The following PLCB4 variants were observed in gnomAD, a reference collection of about 807,000 sequenced individuals.
PLCB4 encodes the protein phospholipase C beta 4, also known as 1-phosphatidylinositol 4,5-bisphosphate phosphodiesterase beta-4.
Under a neutral mutation model 178.8 loss-of-function variants are expected in PLCB4, and 77 were observed. The ratio of observed to expected loss-of-function variants is 0.43; its 90% CI spans 0.36 to 0.52. The LOEUF (loss-of-function observed/expected upper bound fraction) is 0.52. Ranked by LOEUF, PLCB4 falls within the 20% of genes least tolerant of loss-of-function variation. The probability of loss-of-function intolerance (pLI) is 0.00; values close to 1 mark genes in which losing one functional copy is unlikely to be tolerated. For missense variants in PLCB4, 1,024 were observed against 1,453.4 expected, an observed-to-expected ratio of 0.70 and a Z score of 4.80; for synonymous variants, 496 against 490.8, an observed-to-expected ratio of 1.01 and a Z score of -0.14.
chr20:9,123,483 T>C (rs1296068654), intron 2 of PLCB4, among the ~76,000 whole-genome samples: 2 of 151,968 alleles, frequency 1.3e-5, no homozygotes, highest in African/African-American at 4.8e-5. Flanking sequence ...GTCAATATTT[T>C]GTATGTGAAG....
chr20:9,272,740 T>C (rs1271368653), intron 3 of PLCB4, among the ~76,000 whole-genome samples: 1 of 152,126 alleles, frequency 6.6e-6, no homozygotes, highest in East Asian at 1.9e-4. Context: ...AATTTCTTGG[T>C]GAGCATACCC....
chr20:9,106,832 T>C (rs2091382607), intron 2 of PLCB4, among the ~76,000 whole-genome samples: 1 of 152,186 alleles, frequency 6.6e-6, no homozygotes, highest in South Asian at 2.1e-4. Context: ...TAAGGCAAAT[T>C]GGATAGTTGT....
At chr20:9,454,069 A>G (rs2042922180) in intron 33 of PLCB4, among the ~76,000 whole-genome samples, 1 of 152,160 alleles carries the variant, frequency 6.6e-6, no homozygotes, top group Non-Finnish European at 1.5e-5. Context: ...ATAATTCCTC[A>G]ATCTCTCCCT....
chr20:9,404,478 G>A lies in PLCB4; in HGVS notation c.1612-835G>A, dbSNP rs144462106. On this transcript the variant is annotated intron_variant, in intron 20 of 39. Transcript: ENST00000378473. ...AAATTAGCCAGGCGCCATGGTACGC[G>A]CCTGTAATCCCAGCTACTCAGGAAG... Among the ~76,000 whole-genome samples, 25 of 152,070 alleles carry A rather than the reference G, an allele frequency of 1.6e-4. 1 individual carries two copies. Among genetic ancestry groups the A allele is most frequent in the South Asian group, 8.3e-4 (4 of 4,820 alleles).
At chr20:9,163,232 ACT>A (rs1301934267) in intron 2 of PLCB4, among the ~76,000 whole-genome samples, 3 of 152,034 alleles carry the variant, frequency 2.0e-5, no homozygotes, top group African/African-American at 4.8e-5. Flanking sequence ...AAACATGTCG[ACT>A]CTGTTTTCTG....
intron 1 of PLCB4, among the ~76,000 whole-genome samples, chr20:9,082,426 C>A (rs2146522715): frequency 6.6e-6 from 1 of 152,262 alleles, no homozygotes; most frequent in Non-Finnish European, 1.5e-5. Flanking sequence ...GTGTCTTTGA[C>A]AGTCTTCACC....
intron 6 of PLCB4, among the ~76,000 whole-genome samples, chr20:9,338,311 T>C (rs2032748449): frequency 6.6e-6 from 1 of 152,110 alleles, no homozygotes; most frequent in African/African-American, 2.4e-5. Flanking sequence ...AAAAGGCTCT[T>C]CTATCCAATT....
At chr20:9,317,754 C>T (rs1382616396) in intron 4 of PLCB4, among the ~76,000 whole-genome samples, 1 of 152,086 alleles carries the variant, frequency 6.6e-6, no homozygotes, top group Admixed American at 6.6e-5. Context: ...GTGTAAGCAC[C>T]TAGGGGTTCT....
chr20:9,396,789 G>A (rs566853997), intron 19 of PLCB4, among the ~76,000 whole-genome samples: 3 of 152,188 alleles, frequency 2.0e-5, no homozygotes, highest in Non-Finnish European at 4.4e-5. Flanking sequence ...CTGTAGGCTA[G>A]TAAGTGTTCA....
intron 38 of PLCB4, among the ~76,000 whole-genome samples, chr20:9,474,214 CAA>C (rs138592969): frequency 1.7e-4 from 21 of 120,534 alleles, no homozygotes; most frequent in South Asian, 5.4e-4. Flanking sequence ...GACTCCATCT[CAA>C]AAAAAAAAAA....
intron 39 of PLCB4, among the ~76,000 whole-genome samples, chr20:9,477,225 C>A (rs1156248393): frequency 3.9e-5 from 6 of 152,228 alleles, no homozygotes; most frequent in Middle Eastern, 3.4e-3. Context: ...CTGCTAAGTC[C>A]CATCTGCCAA....
chr20:9,342,412 G>C (rs1353413024), intron 7 of PLCB4, among the ~76,000 whole-genome samples: 1 of 152,272 alleles, frequency 6.6e-6, no homozygotes, highest in African/African-American at 2.4e-5. Flanking sequence ...CCTAGAATCA[G>C]GGGGCCATGA....
At chr20:9,307,942 A>G (rs756453877) in intron 4 of PLCB4, 44 bp downstream of exon 4, 1 of 792,008 alleles carries the variant, frequency 1.3e-6, no homozygotes, top group Non-Finnish European at 2.1e-6. Context: ...CATTCTAATA[A>G]TTATTAAATT....
intron 2 of PLCB4, 75 bp downstream of exon 2, chr20:9,096,417 C>T (rs920790819): frequency 2.0e-5 from 3 of 152,114 alleles, no homozygotes; most frequent in Non-Finnish European, 4.4e-5. Flanking sequence ...ATGATTTAAT[C>T]GAGAAGCAAT....
chr20:9,363,071 C>T lies in PLCB4; in HGVS notation c.449+96C>T, dbSNP rs41308070. The stretch of plus-strand genomic sequence containing the variant: ...CTAGGTGGTTCCTTCCTCCAAATTC[C>T]TGCTTGCCTTTCCCTCCATGCTCCT... On this transcript the variant is annotated intron_variant, in intron 8 of 39. Transcript: ENST00000378473. 7.2e-3 allele frequency: 6,193 copies of T among 857,446 alleles called. 45 individuals are homozygous for T. The highest frequency in any genetic ancestry group is 7.6e-3 in the Non-Finnish European group (3,919 of 514,330). The allele number at this position is 857,446 out of a possible 1,614,324, so 53.1% of individuals were successfully genotyped here. A position where few individuals can be genotyped will look rare whatever the true frequency, so the allele number is the denominator to read the frequency against.
chr20:9,365,541 C>T (rs762893550), intron 9 of PLCB4, 27 bp downstream of exon 9: 15 of 1,472,756 alleles, frequency 1.0e-5, no homozygotes, highest in East Asian at 9.1e-5. Context: ...ATCTGCTGTC[C>T]GTGTCCCGGG....
chr20:9,319,359 T>C (rs992601498), intron 4 of PLCB4, among the ~76,000 whole-genome samples: 2 of 152,188 alleles, frequency 1.3e-5, no homozygotes, highest in African/African-American at 4.8e-5. Context: ...TGTCATTACT[T>C]GTTTTGGTTG....
At chr20:9,168,249 G>A (rs2147020945) in intron 2 of PLCB4, among the ~76,000 whole-genome samples, 1 of 152,290 alleles carries the variant, frequency 6.6e-6, no homozygotes, top group South Asian at 2.1e-4. Flanking sequence ...CGGGGCTTTG[G>A]GGTAAGTTAT....
chr20:9,235,404 T>C (rs1258444579), intron 3 of PLCB4, among the ~76,000 whole-genome samples: 2 of 152,224 alleles, frequency 1.3e-5, no homozygotes, highest in African/African-American at 4.8e-5. Context: ...TGTTAAAATG[T>C]ATTGATCCAT....
Sources: gnomAD v4.1 joint callset for allele counts (sites outside exome capture counted in the v4.1 genomes callset) on GRCh38, gnomAD v4.1.1 for gene constraint, MANE v1.5 for transcripts, NCBI Gene and HGNC (gene_info 2026-07-23, HGNC 2026-07-21) for gene names.